Variants in EPG5 observed in about 807,000 individuals in gnomAD.
The protein encoded by EPG5 is ectopic P granules protein 5 homolog.
A neutral mutation model predicts 302.7 loss-of-function variants in EPG5; 159 were observed. That is an observed-to-expected ratio of 0.53 (90% CI 0.46 to 0.60). The LOEUF is 0.60. Among genes scored for constraint, EPG5 ranks in the 20% least tolerant of loss-of-function variants. The pLI is 0.00. For synonymous variants in EPG5, 1,158 were observed against 1,136.8 expected, an observed-to-expected ratio of 1.02 and a Z score of -0.37; for missense variants, 2,896 against 3,092.4, an observed-to-expected ratio of 0.94 and a Z score of 1.51.
At chr18:45,928,053 G>T (rs144339407) in intron 13 of EPG5, among the ~76,000 whole-genome samples, 3,023 of 152,100 alleles carry the variant, frequency 0.02, 116 homozygotes, top group African/African-American at 0.069. Flanking sequence ...AAAATTAGCT[G>T]GGCATGGTGG....
chr18:45,839,778 G>T, the EPG5 span, among the ~76,000 whole-genome samples: 1 of 152,194 alleles, frequency 6.6e-6, no homozygotes, highest in South Asian at 2.1e-4. Flanking sequence ...TGCCACTCCT[G>T]CTGTCTCTGA....
chr18:45,839,115 G>A, the EPG5 span: 6 of 1,365,196 alleles, frequency 4.4e-6, no homozygotes, highest in Non-Finnish European at 5.6e-6. Flanking sequence ...CCCCAGACAC[G>A]GGTGGCCGCG....
At chr18:45,880,285 A>T (rs2049069656) in intron 31 of EPG5, 62 bp from the exon 32 acceptor site, 1 of 1,427,288 alleles carries the variant, frequency 7.0e-7, no homozygotes, top group African/African-American at 1.4e-5. Context: ...TTTAACTTGT[A>T]ACAAAGAATA....
At chr18:45,917,124 G>C (rs1019534236) in intron 17 of EPG5, among the ~76,000 whole-genome samples, 1 of 152,144 alleles carries the variant, frequency 6.6e-6, no homozygotes, top group Non-Finnish European at 1.5e-5. Context: ...TGCTCCCCTT[G>C]TGCCTTTGGA....
chr18:45,901,625 G>T (rs145003763), intron 25 of EPG5, among the ~76,000 whole-genome samples: 6 of 152,152 alleles, frequency 3.9e-5, no homozygotes, highest in African/African-American at 1.4e-4. Flanking sequence ...CAGGAGGACT[G>T]GATGCAGTAA....
At chr18:45,947,677 G>A (rs1037142764) in intron 6 of EPG5, among the ~76,000 whole-genome samples, 1 of 151,924 alleles carries the variant, frequency 6.6e-6, no homozygotes, top group African/African-American at 2.4e-5. Flanking sequence ...CCTGTGCTCC[G>A]TACAGCTATC....
At chr18:45,895,245 G>C (rs912925431) in intron 27 of EPG5, among the ~76,000 whole-genome samples, 1 of 152,144 alleles carries the variant, frequency 6.6e-6, no homozygotes, top group Non-Finnish European at 1.5e-5. Flanking sequence ...GGAAGGTAAA[G>C]GTGAGATTAA....
intron 7 of EPG5, among the ~76,000 whole-genome samples, chr18:45,945,858 C>T (rs7229144): frequency 6.6e-6 from 1 of 152,150 alleles, no homozygotes. Flanking sequence ...AAGGGGGCTC[C>T]CTACTTCTGA....
At chr18:45,844,552 G>GT (rs1414303309), downstream of EPG5, among the ~76,000 whole-genome samples, 1 of 152,132 alleles carries the variant, frequency 6.6e-6, no homozygotes, top group Non-Finnish European at 1.5e-5. Flanking sequence ...AATTAAAAAT[G>GT]TTTTTTAAAA....
At chr18:45,868,371 CTT>C (rs1281787939) in intron 36 of EPG5, among the ~76,000 whole-genome samples, 5 of 143,994 alleles carry the variant, frequency 3.5e-5, no homozygotes, top group African/African-American at 7.8e-5. Flanking sequence ...GAGTTTCACT[CTT>C]GTTACCCAGA....
chr18:45,901,482 A>G (rs543044265), intron 25 of EPG5, among the ~76,000 whole-genome samples: 3 of 152,210 alleles, frequency 2.0e-5, no homozygotes, highest in Admixed American at 6.5e-5. Context: ...AGGTAAATGG[A>G]GTAGGTCTGG....
At chr18:45,867,847 CT>C in intron 36 of EPG5, 99 bp from the exon 37 acceptor site, 1 of 1,052,862 alleles carries the variant, frequency 9.5e-7, no homozygotes, top group East Asian at 2.6e-5. Context: ...TTAAAAAACA[CT>C]TTTTCCCCAG....
At chr18:45,819,646 C>T in the EPG5 span, among the ~76,000 whole-genome samples, 2 of 152,184 alleles carry the variant, frequency 1.3e-5, no homozygotes, top group African/African-American at 4.8e-5. Flanking sequence ...AGAGGATGCA[C>T]ATTAATTAAT....
intron 35 of EPG5, among the ~76,000 whole-genome samples, chr18:45,872,818 C>A (rs1402386383): frequency 6.6e-6 from 1 of 152,128 alleles, no homozygotes; most frequent in African/African-American, 2.4e-5. Flanking sequence ...TTTTTAACAA[C>A]CTTTAAGACA....
intron 28 of EPG5, among the ~76,000 whole-genome samples, chr18:45,888,674 A>C (rs1009627673): frequency 4.6e-5 from 7 of 152,154 alleles, no homozygotes; most frequent in African/African-American, 1.4e-4. Context: ...TCCTGACCTC[A>C]AGTGATCCGC....
At chr18:45,932,158 A>G (rs1020212805) in intron 11 of EPG5, among the ~76,000 whole-genome samples, 3 of 152,146 alleles carry the variant, frequency 2.0e-5, no homozygotes, top group African/African-American at 7.2e-5. Flanking sequence ...AAGAATTATC[A>G]TTCAAACTTA....
In EPG5 at chr18:45,916,043, T is replaced by C; in HGVS notation, c.3548A>G (p.Asp1183Gly). The C allele has an allele frequency of 1.2e-6, 2 of 1,613,642 alleles. No homozygotes were observed. The highest frequency in any genetic ancestry group is 1.7e-6 in the Non-Finnish European group (2 of 1,179,946). ...CKAAFQLMQEDCIQKLLYQQH... is the reference protein window; with the variant it reads ...CKAAFQLMQEGCIQKLLYQQH... Reference sequence around the variant, plus strand: ...TTGGTAGAGTAATTTCTGTATGCAGTCTTCCTGCATCAGCTGAAAAGCTGC... The same window carrying C: ...TTGGTAGAGTAATTTCTGTATGCAGCCTTCCTGCATCAGCTGAAAAGCTGC... Residue 1183 changes from aspartate to glycine, a missense_variant, in exon 19 of 44, where the codon GAC becomes GGC. By Grantham distance (94) the Asp-to-Gly change is moderately conservative. This residue lies in a region of EPG5 where 1,390 missense variants were observed against 1,430.0 expected (regional missense o/e 0.97). Coordinates refer to ENST00000282041, the MANE Select transcript of EPG5 (RefSeq NM_020964.3).
chr18:45,925,973 T>A (rs1314649336), intron 13 of EPG5, 71 bp from the exon 14 acceptor site: 1 of 974,506 alleles, frequency 1.0e-6, no homozygotes, highest in African/African-American at 1.7e-5. Flanking sequence ...CAATATTATA[T>A]TATTAAACTG....
chr18:45,915,949 T>C, intron 19 of EPG5, 60 bp downstream of exon 19: 3 of 1,449,818 alleles, frequency 2.1e-6, no homozygotes, highest in Non-Finnish European at 2.8e-6. Flanking sequence ...GGGAATCTTT[T>C]TAGAAAGCTA....
Sources: gnomAD v4.1 joint callset for allele counts (sites outside exome capture counted in the v4.1 genomes callset) on GRCh38, gnomAD v4.1.1 for gene constraint, gnomAD v4.1.1 regional missense constraint, MANE v1.5 for transcripts, NCBI Gene and HGNC (gene_info 2026-07-23, HGNC 2026-07-21) for gene names.